Variants in SBK1 observed in about 807,000 individuals in gnomAD.
The protein encoded by SBK1 is SH3 domain binding kinase 1.
In SBK1, 11 loss-of-function variants were observed where a neutral mutation model predicts 24.4. The ratio of observed to expected loss-of-function variants is 0.45; its 90% CI spans 0.28 to 0.75. The LOEUF is 0.75. SBK1 is among the 30% of genes least tolerant of loss of function. SBK1 has a pLI of 0.12. For missense variants in SBK1, 467 were observed against 620.5 expected, an observed-to-expected ratio of 0.75 and a Z score of 2.63; for synonymous variants, 308 against 284.4, an observed-to-expected ratio of 1.08 and a Z score of -0.83.
upstream of SBK1, among the ~76,000 whole-genome samples, chr16:28,287,597 G>T (rs2141572060): frequency 6.6e-6 from 1 of 152,316 alleles, no homozygotes; most frequent in Non-Finnish European, 1.5e-5. Flanking sequence ...CTAGGCGTCA[G>T]GGACAAAGGA....
intron 1 of SBK1, among the ~76,000 whole-genome samples, chr16:28,302,824 G>C (rs964649317): frequency 7.9e-5 from 12 of 152,282 alleles, no homozygotes; most frequent in African/African-American, 2.9e-4. Context: ...AACAAGACCA[G>C]ACAGCAAAAT....
Position 28,272,603 on chromosome 16 carries a change from C to T in SBK1, c.257+13101C>T, listed in dbSNP as rs1373354197. ...ATCTATGTTGTCACATATTTTTTTT[C>T]TTTCTTTCTTTCTTTCTTTTTTTTT... On this transcript the variant is annotated intron_variant, in intron 1 of 3. Coordinates refer to the SBK1 transcript ENST00000671413. Among the ~76,000 whole-genome samples, 693 of 130,352 alleles carry T rather than the reference C, an allele frequency of 5.3e-3. 4 individuals carry two copies. The highest frequency in any genetic ancestry group is 0.019 in the African/African-American group (636 of 33,822). The allele number at this position is 130,352 out of a possible 152,430, so 85.5% of individuals were successfully genotyped here.
intron 1 of SBK1, among the ~76,000 whole-genome samples, chr16:28,301,323 G>C (rs946534069): frequency 1.3e-5 from 2 of 152,262 alleles, no homozygotes; most frequent in African/African-American, 4.8e-5. Flanking sequence ...GCCTGTTCCA[G>C]CTCTGGGCAC....
intron 1 of SBK1, chr16:28,285,828 G>A (rs1260279919): frequency 6.6e-6 from 1 of 152,202 alleles, no homozygotes; most frequent in East Asian, 1.9e-4. Context: ...TCTTGTACGG[G>A]GTTGGCACAC....
At chr16:28,265,244 A>T (rs2044421011) in intron 1 of SBK1, among the ~76,000 whole-genome samples, 1 of 151,134 alleles carries the variant, frequency 6.6e-6, no homozygotes, top group Admixed American at 6.6e-5. Context: ...TGAGACCCCC[A>T]TCTCTATTAA....
chr16:28,271,880 C>A (rs2044467641), intron 1 of SBK1, among the ~76,000 whole-genome samples: 1 of 152,196 alleles, frequency 6.6e-6, no homozygotes, highest in Non-Finnish European at 1.5e-5. Context: ...GCAAAAGACT[C>A]TGCCAAGAGA....
chr16:28,277,536 A>C (rs887999327), intron 1 of SBK1, among the ~76,000 whole-genome samples: 1 of 152,164 alleles, frequency 6.6e-6, no homozygotes, highest in Non-Finnish European at 1.5e-5. Context: ...TTAGCCGAGC[A>C]TGGTAGTGCT....
chr16:28,268,586 A>G (rs1269877942), intron 1 of SBK1, among the ~76,000 whole-genome samples: 1 of 151,982 alleles, frequency 6.6e-6, no homozygotes, highest in African/African-American at 2.4e-5. Context: ...AAAATGGCAA[A>G]ACCCTGTTTC....
At position 28,317,482 on chromosome 16, in the gene SBK1, C is replaced by A. The variant is rs1335185613; in HGVS notation, c.91C>A (p.Leu31Ile). 6.2e-7 allele frequency: 1 copy of A among 1,614,150 alleles called. No individual in the cohort carries two copies. Residue 31 changes from leucine to isoleucine, a missense_variant, in exon 2 of 4, where the codon CTT (leucine) becomes ATT (isoleucine). Leu to Ile is a conservative substitution (Grantham distance 5). Coordinates refer to ENST00000341901, the MANE Select transcript of SBK1 (RefSeq NM_001024401.3). This position sits in a 1 kb window ranked among gnomAD's most constrained non-coding sequence, Gnocchi z 4.2. ...CCCTGGGCCTGGTGCCGGTGTGCCC[C>A]TTCTCACTGAAGACATGCAGGCCCT... Reference protein sequence around the residue: ...TAPGPGAGVPLLTEDMQALTL... With the variant: ...TAPGPGAGVPILTEDMQALTL...
chr16:28,317,376 A>G lies in SBK1; in HGVS notation c.-7-9A>G. On this transcript the variant is annotated splice_polypyrimidine_tract_variant and intron_variant, in intron 1 of 3. Coordinates refer to ENST00000341901, the MANE Select transcript of SBK1 (RefSeq NM_001024401.3). This position sits in a 1 kb window ranked among gnomAD's most constrained non-coding sequence, Gnocchi z 4.2. Reference sequence around the variant, plus strand: ...GTCACACTTCATGCTCACCACCCCTACCCAACAGGGAGAAGATGAGCGTGG... The same window carrying G: ...GTCACACTTCATGCTCACCACCCCTGCCCAACAGGGAGAAGATGAGCGTGG... The G allele has an allele frequency of 1.2e-6, 2 of 1,607,298 alleles. No homozygotes were observed. Among genetic ancestry groups the G allele is most frequent in the South Asian group, 2.2e-5 (2 of 90,876 alleles).
At position 28,321,335 on chromosome 16, in the gene SBK1, G is replaced by T. The variant is rs2044846606; in HGVS notation, c.*414G>T. 6.4e-6 allele frequency: 1 copy of T among 155,600 alleles called. No homozygotes were observed. The highest frequency in any genetic ancestry group is 1.4e-5 in the Non-Finnish European group (1 of 70,402). 9.6% of individuals were successfully genotyped at this position (155,600 alleles called of 1,614,324 possible). A position where few individuals can be genotyped will look rare whatever the true frequency, so the allele number is the denominator to read the frequency against. On this transcript the variant is annotated 3_prime_UTR_variant, in exon 4 of 4. Transcript: ENST00000341901. ...TCCTGGCCTTCCATACCCCCTGGCA[G>T]ATCATCCTGCGGTCCCACCCCAGAT... is the stretch of plus-strand genomic sequence containing the variant.
rs756773549 is a variant in SBK1 at position 28,319,280 on chromosome 16, A to G, written c.429+83A>G. 14 of 1,037,506 alleles carry G rather than the reference A, an allele frequency of 1.3e-5. No homozygotes were observed. The highest frequency in any genetic ancestry group is 1.9e-5 in the Admixed American group (1 of 51,380). The allele number at this position is 1,037,506 out of a possible 1,614,324, so 64.3% of individuals were successfully genotyped here. On this transcript the variant is annotated intron_variant, in intron 3 of 3. Coordinates refer to ENST00000341901, the MANE Select transcript of SBK1 (RefSeq NM_001024401.3). The surrounding 1 kb of genome is among the most constrained non-coding windows in gnomAD (Gnocchi z 4.0). ...AGTGGGAGTGGAGTCAGACCATTTA[A>G]TTAACAAGTATTTACTGGGTGCCTG...
chr16:28,277,796 A>G (rs566924206), intron 1 of SBK1, among the ~76,000 whole-genome samples: 1 of 152,208 alleles, frequency 6.6e-6, no homozygotes, highest in Non-Finnish European at 1.5e-5. Context: ...CGAGAACCAG[A>G]TAGAACAGAG....
At chr16:28,312,000 G>A (rs1224285800) in intron 1 of SBK1, among the ~76,000 whole-genome samples, 1 of 152,272 alleles carries the variant, frequency 6.6e-6, no homozygotes, top group East Asian at 1.9e-4. Context: ...AGCCTGAGGT[G>A]GCCTTGCAGG....
intron 1 of SBK1, among the ~76,000 whole-genome samples, chr16:28,261,100 AG>A (rs901516702): frequency 6.6e-6 from 1 of 152,088 alleles, no homozygotes; most frequent in African/African-American, 2.4e-5. Flanking sequence ...TAGGCACTGG[AG>A]CAAGCAATGG....
intron 1 of SBK1, among the ~76,000 whole-genome samples, chr16:28,266,707 C>T (rs910808273): frequency 4.7e-5 from 7 of 150,362 alleles, no homozygotes; most frequent in Non-Finnish European, 8.9e-5. Context: ...TCTGATTTCT[C>T]ATCACATCAC....
At position 28,293,076 on chromosome 16, in the gene SBK1, A is replaced by G. The variant is rs772453306; in HGVS notation, c.-232A>G. On this transcript the variant is annotated 5_prime_UTR_variant, in exon 1 of 4. Coordinates refer to ENST00000341901, the MANE Select transcript of SBK1 (RefSeq NM_001024401.3). ...AATTCCCCCCAACTCCGGTACATAG[A>G]AATCCCAAATCTAGGCAGCCGGGGA... 5 of 985,614 alleles carry G rather than the reference A, an allele frequency of 5.1e-6. No individual in the cohort carries two copies. The highest frequency in any genetic ancestry group is 4.8e-6 in the Non-Finnish European group (4 of 830,142). 61.1% of individuals were successfully genotyped at this position (985,614 alleles called of 1,614,324 possible).
Position 28,320,692 on chromosome 16 carries a change from G to T in SBK1, c.1046G>T (p.Gly349Val). ...GGGCCACTGCGCCTCGAGGCGCCTGGGCCGCTCAAGCGGACGGTGCTGACC... is the reference window on the plus strand; with the variant it reads ...GGGCCACTGCGCCTCGAGGCGCCTGTGCCGCTCAAGCGGACGGTGCTGACC... ...AAGPLRLEAPGPLKRTVLTES... is the reference protein window; with the variant it reads ...AAGPLRLEAPVPLKRTVLTES... The change falls in exon 4 of 4, where the codon GGG (glycine) becomes GTG (valine). Residue 349 changes from glycine (G) to valine (V), a missense_variant. By Grantham distance (109) the Gly-to-Val change is moderately radical (BLOSUM62 -3). Transcript: ENST00000341901. This position sits in a 1 kb window ranked among gnomAD's most constrained non-coding sequence, Gnocchi z 8.5. 1 of 1,094,782 alleles carries T rather than the reference G, an allele frequency of 9.1e-7. No individual in the cohort carries two copies. The allele number at this position is 1,094,782 out of a possible 1,614,324, so 67.8% of individuals were successfully genotyped here.
At chr16:28,265,366 C>T (rs1277281978) in intron 1 of SBK1, among the ~76,000 whole-genome samples, 1 of 152,042 alleles carries the variant, frequency 6.6e-6, no homozygotes, top group African/African-American at 2.4e-5. Context: ...TTACACCGAG[C>T]CATGATGGCG....
Sources: gnomAD v4.1 joint callset for allele counts (sites outside exome capture counted in the v4.1 genomes callset) on GRCh38, gnomAD v4.1.1 for gene constraint, Gnocchi (gnomAD v3.1) non-coding constraint, MANE v1.5 for transcripts, NCBI Gene and HGNC (gene_info 2026-07-23, HGNC 2026-07-21) for gene names.